CSNK1D: variants seen among roughly 807,000 people sequenced by gnomAD.
CSNK1D encodes casein kinase 1 delta.
CSNK1D carries 16 observed loss-of-function variants against 46.6 expected under a neutral mutation model. That is an observed-to-expected ratio of 0.34 (90% CI 0.23 to 0.52). The LOEUF is 0.52. CSNK1D is among the 20% of genes least tolerant of loss of function. The pLI is 0.95. For missense variants in CSNK1D, 398 were observed against 578.4 expected, an observed-to-expected ratio of 0.69 and a Z score of 3.20; for synonymous variants, 276 against 228.2, an observed-to-expected ratio of 1.21 and a Z score of -1.89.
chr17:82,268,036 C>T (rs1026947097), intron 1 of CSNK1D, among the ~76,000 whole-genome samples: 16 of 152,258 alleles, frequency 1.1e-4, no homozygotes, highest in Non-Finnish European at 1.6e-4. Context: ...CGGGACCTCT[C>T]GCTGTGCAAG....
At position 82,261,455 on chromosome 17, in the gene CSNK1D, C is replaced by T. The variant is rs775852068; in HGVS notation, c.187+4231G>A. Among the ~76,000 whole-genome samples, 796 of 152,212 alleles carry T rather than the reference C, an allele frequency of 5.2e-3. 3 individuals carry two copies. Among genetic ancestry groups the T allele is most frequent in the Middle Eastern group, 0.01 (3 of 294 alleles). On this transcript the variant is annotated intron_variant, in intron 2 of 8. Transcript: ENST00000314028. ...AAGGCCAGATACATGAAGACATGCTCCACTCTCATCTGTGAAAAGTTTCAA... is the reference window on the plus strand; with the variant it reads ...AAGGCCAGATACATGAAGACATGCTTCACTCTCATCTGTGAAAAGTTTCAA...
At chr17:82,263,831 A>T (rs551101809) in intron 2 of CSNK1D, among the ~76,000 whole-genome samples, 1 of 152,226 alleles carries the variant, frequency 6.6e-6, no homozygotes, top group African/African-American at 2.4e-5. Context: ...CTTCAAGGCA[A>T]TGCAGGCTCC....
chr17:82,249,347 A>G lies in CSNK1D; in HGVS notation c.1057+84T>C. On this transcript the variant is annotated intron_variant, in intron 7 of 8. Coordinates refer to ENST00000314028, the MANE Select transcript of CSNK1D (RefSeq NM_001893.6). This position sits in a 1 kb window ranked among gnomAD's most constrained non-coding sequence, Gnocchi z 6.7. ...CACAGGGCACTTAGTGTCCACCACC[A>G]AGTACCCTGTTGTCCCCACCAACCC... is the stretch of plus-strand genomic sequence containing the variant. 2.2e-6 allele frequency: 3 copies of G among 1,363,628 alleles called. No homozygotes were observed. The highest frequency in any genetic ancestry group is 3.0e-6 in the Non-Finnish European group (3 of 991,116). 84.5% of individuals were successfully genotyped at this position (1,363,628 alleles called of 1,614,324 possible).
rs2051705109 is a variant in CSNK1D, at chr17:82,273,687, C to A, written c.-306G>T. Reference sequence around the variant, plus strand: ...CCTTTCAGCTGCCTAAAGGAGCCGCCGCCATCGCGCTGTGACGTCACTTCC... The same window carrying A: ...CCTTTCAGCTGCCTAAAGGAGCCGCAGCCATCGCGCTGTGACGTCACTTCC... On this transcript the variant is annotated 5_prime_UTR_variant, in exon 1 of 9. Transcript: ENST00000314028. The surrounding 1 kb of genome is among the most constrained non-coding windows in gnomAD (Gnocchi z 5.1). 4 of 502,714 alleles carry A rather than the reference C, an allele frequency of 8.0e-6. No homozygotes were observed. The highest frequency in any genetic ancestry group is 1.4e-5 in the Non-Finnish European group (4 of 287,950). The allele number at this position is 502,714 out of a possible 1,614,324, so 31.1% of individuals were successfully genotyped here.
intron 2 of CSNK1D, among the ~76,000 whole-genome samples, chr17:82,259,426 G>C (rs746837753): frequency 6.6e-6 from 1 of 152,208 alleles, no homozygotes; most frequent in African/African-American, 2.4e-5. Flanking sequence ...AGTGTTGTGA[G>C]GCTGAGGATG....
In CSNK1D at chr17:82,248,889, T is replaced by C. The variant is rs756900240; in HGVS notation, c.1183A>G (p.Met395Val). The change falls in exon 8 of 9, where the codon ATG (methionine) becomes GTG (valine). Residue 395 changes from methionine (M) to valine (V), a missense_variant. Physicochemically the swap from Met to Val is conservative, Grantham distance 21. This residue lies in a region of CSNK1D where 181 missense variants were observed against 208.0 expected (regional missense o/e 0.87). Transcript: ENST00000314028. This position sits in a 1 kb window ranked among gnomAD's most constrained non-coding sequence, Gnocchi z 4.1. ...DLTGRQDTSR[M>V]STSQIPGRVA... ...TCTGCACCTACCTGTGAGGTGGACA[T>C]GCGAGAGGTATCTTGTCGGCCTGTG... 5.6e-6 allele frequency: 9 copies of C among 1,610,774 alleles called. No individual in the cohort carries two copies. Among genetic ancestry groups the C allele is most frequent in the Admixed American group, 1.7e-5 (1 of 59,766 alleles).
At chr17:82,254,843 G>A (rs1214900461) in intron 3 of CSNK1D, among the ~76,000 whole-genome samples, 75 of 93,606 alleles carry the variant, frequency 8.0e-4, no homozygotes, top group Admixed American at 1.1e-3. Context: ...GAGCCGCCGG[G>A]GCCTCGAGAA....
downstream of CSNK1D, among the ~76,000 whole-genome samples, chr17:82,242,424 G>A (rs561287978): frequency 2.8e-3 from 420 of 152,276 alleles, 2 homozygotes; most frequent in African/African-American, 8.6e-3. Context: ...CACACAGAAA[G>A]TGCGTGGACT....
downstream of CSNK1D, among the ~76,000 whole-genome samples, chr17:82,240,434 C>G (rs188327344): frequency 1.1e-4 from 17 of 152,320 alleles, no homozygotes; most frequent in East Asian, 3.1e-3. Flanking sequence ...ACTGCTCACA[C>G]CCAGGGGTTG....
At chr17:82,239,517 G>GCCTGTGT (rs2050708864), downstream of CSNK1D, 1 of 173,604 alleles carries the variant, frequency 5.8e-6, no homozygotes, top group African/African-American at 2.4e-5. Context: ...TTGCTGTGTG[G>GCCTGTGT]CCTGTGTCCT....
Position 82,248,989 on chromosome 17 carries a change from G to A in CSNK1D, c.1083C>T (p.Ser361=), listed in dbSNP as rs140213733. The part of the protein sequence containing the change: ...HTANTSPRPV[S]GMERERKVSM... ...TCACTTTCCGCTCTCTCTCCATGCC[G>A]GAGACGGGCCGGGGGGAGGTGTTAG... The change falls in exon 8 of 9, where the codon TCC becomes TCT. Residue 361 remains serine, a synonymous_variant. Transcript: ENST00000314028. This position sits in a 1 kb window ranked among gnomAD's most constrained non-coding sequence, Gnocchi z 4.1. The A allele has an allele frequency of 8.9e-5, 140 of 1,570,988 alleles. No homozygotes were observed. The Admixed American group carries it at 1.0e-3, about 12-fold the overall frequency.
downstream of CSNK1D, chr17:82,240,177 T>C: frequency 2.4e-6 from 2 of 820,020 alleles, no homozygotes; most frequent in Non-Finnish European, 3.3e-6. Context: ...GCCTGCAGCC[T>C]CAGGGCTGTG....
At chr17:82,263,814 G>A (rs8074841) in intron 2 of CSNK1D, among the ~76,000 whole-genome samples, 1,542 of 152,280 alleles carry the variant, frequency 0.01, 26 homozygotes, top group African/African-American at 0.035. Flanking sequence ...CTATTGGCTC[G>A]TCACACCTTC....
chr17:82,242,994 G>GA lies in CSNK1D; in HGVS notation c.*1786_*1787insT. The GA allele has an allele frequency of 1.0e-6, 1 of 985,440 alleles. No individual in the cohort carries two copies. 61.0% of individuals were successfully genotyped at this position (985,440 alleles called of 1,614,324 possible). A position where few individuals can be genotyped will look rare whatever the true frequency, so the allele number is the denominator to read the frequency against. On this transcript the variant is annotated 3_prime_UTR_variant, in exon 9 of 9. Coordinates refer to ENST00000314028, the MANE Select transcript of CSNK1D (RefSeq NM_001893.6). ...CCACAGCGCGACGTCTCTCCGGGTGGGGGACGTCTACCTTCAAGAAGGGGT... is the reference window on the plus strand; with the variant it reads ...CCACAGCGCGACGTCTCTCCGGGTGGAGGGACGTCTACCTTCAAGAAGGGGT...
At chr17:82,272,285 G>C (rs2051645539) in intron 1 of CSNK1D, 1 of 153,080 alleles carries the variant, frequency 6.5e-6, no homozygotes, top group Non-Finnish European at 1.5e-5. Flanking sequence ...CAGAGGTTGC[G>C]GTGAGCCGAG....
chr17:82,255,265 C>T lies in CSNK1D; in HGVS notation c.336+164G>A, dbSNP rs1008008634. On this transcript the variant is annotated intron_variant, in intron 3 of 8. Transcript: ENST00000314028. This position sits in a 1 kb window ranked among gnomAD's most constrained non-coding sequence, Gnocchi z 5.9. ...CCAGTGAGCGGAGCCACCGGAGCCT[C>T]GAGAAGCCAGTGAGCTGAGCCACTG... 7.8e-5 allele frequency: 66 copies of T among 848,900 alleles called. No individual in the cohort carries two copies. In the African/African-American group the frequency reaches 8.5e-4, roughly 11 times the overall value. The allele number at this position is 848,900 out of a possible 1,614,324, so 52.6% of individuals were successfully genotyped here.
chr17:82,246,274 C>A, intron 8 of CSNK1D: 1 of 1,435,694 alleles, frequency 7.0e-7, no homozygotes, highest in South Asian at 1.4e-5. Flanking sequence ...CCAACAATGG[C>A]ATGGGACAGG....
Position 82,244,611 on chromosome 17 carries a change from T to A in CSNK1D, c.*170A>T. 6.5e-7 allele frequency: 1 copy of A among 1,526,788 alleles called. No individual in the cohort carries two copies. Among genetic ancestry groups the A allele is most frequent in the Non-Finnish European group, 8.8e-7 (1 of 1,140,304 alleles). 94.6% of individuals were successfully genotyped at this position (1,526,788 alleles called of 1,614,324 possible). On this transcript the variant is annotated 3_prime_UTR_variant, in exon 9 of 9. Transcript: ENST00000314028. ...GCCCCAGCGGTGGCAGCTCTTGGAGTCTGTCCGTTTAGTATGTTTCCCCCA... is the reference window on the plus strand; with the variant it reads ...GCCCCAGCGGTGGCAGCTCTTGGAGACTGTCCGTTTAGTATGTTTCCCCCA...
In CSNK1D at chr17:82,244,838, G is replaced by A. The variant is rs1346611277; in HGVS notation, c.1198-7C>T. On this transcript the variant is annotated splice_polypyrimidine_tract_variant and splice_region_variant and intron_variant, in intron 8 of 8. Coordinates refer to ENST00000314028, the MANE Select transcript of CSNK1D (RefSeq NM_001893.6). ...AAGCCACCCGACCAGGAATCTGTCG[G>A]AGCCAAAGCACAGGAGAAGGTCAGC... is the stretch of plus-strand genomic sequence containing the variant. 1.2e-6 allele frequency: 2 copies of A among 1,613,746 alleles called. No homozygotes were observed. Among genetic ancestry groups the A allele is most frequent in the South Asian group, 1.1e-5 (1 of 91,090 alleles).
Sources: allele counts gnomAD v4.1 joint callset (sites outside exome capture counted in the v4.1 genomes callset), GRCh38; gene constraint gnomAD v4.1.1; regional missense constraint gnomAD v4.1.1; non-coding constraint Gnocchi (gnomAD v3.1); transcripts MANE v1.5; gene names NCBI Gene and HGNC (gene_info 2026-07-23, HGNC 2026-07-21).